FAM53A: variants seen among roughly 807,000 people sequenced by gnomAD.
The protein encoded by FAM53A is family with sequence similarity 53 member A.
Under a neutral mutation model 26.6 loss-of-function variants are expected in FAM53A, and 28 were observed. The observed-to-expected ratio is 1.05, with a 90% CI of 0.78 to 1.45. The LOEUF (loss-of-function observed/expected upper bound fraction) is 1.45, where lower values mean the gene tolerates loss of function less well. FAM53A is among the 40% of genes most tolerant of loss of function. FAM53A has a pLI of 0.00. For synonymous variants in FAM53A, 290 were observed against 253.1 expected (o/e 1.15, Z -1.38); for missense variants, 650 against 575.8 (o/e 1.13, Z -1.32).
At chr4:1,596,989 C>T in the FAM53A span, among the ~76,000 whole-genome samples, 1 of 152,074 alleles carries the variant, frequency 6.6e-6, no homozygotes, top group Non-Finnish European at 1.5e-5. Flanking sequence ...CTCGGGGCCT[C>T]CCTCCAGCAT....
chr4:1,645,890 A>T (rs1313272180), intron 4 of FAM53A, among the ~76,000 whole-genome samples: 1 of 152,178 alleles, frequency 6.6e-6, no homozygotes, highest in Non-Finnish European at 1.5e-5. Flanking sequence ...AATCTCTACC[A>T]TGGTGTTGGG....
At chr4:1,624,548 A>T (rs1715195831) in intron 1 of FAM53A, among the ~76,000 whole-genome samples, 1 of 152,098 alleles carries the variant, frequency 6.6e-6, no homozygotes, top group Admixed American at 6.5e-5. Flanking sequence ...TCCAGGCAAA[A>T]CCTGTAGGAA....
At position 1,640,469 on chromosome 4, in the gene FAM53A, G is replaced by C. The variant is rs1035547374; in HGVS notation, c.*824C>G. ...AACACAGACGCATGTTAATCTGTTT[G>C]CAGATTCATGTTTAATAGAACGCCC... On this transcript the variant is annotated 3_prime_UTR_variant, in exon 5 of 5. Coordinates refer to ENST00000308132, the MANE Select transcript of FAM53A (RefSeq NM_001174070.3). 6.8e-6 allele frequency: 2 copies of C among 294,688 alleles called. No individual in the cohort carries two copies. Among genetic ancestry groups the C allele is most frequent in the Admixed American group, 5.7e-5 (1 of 17,590 alleles). The allele number at this position is 294,688 out of a possible 1,614,324, so 18.3% of individuals were successfully genotyped here.
At position 1,652,080 on chromosome 4, in the gene FAM53A, A is replaced by G. The variant is rs13150686; in HGVS notation, c.882+2898T>C. Among the ~76,000 whole-genome samples the G allele has an allele frequency of 9.5e-3, 1,372 of 144,428 alleles. 26 individuals carry two copies. The highest frequency in any genetic ancestry group is 0.033 in the African/African-American group (1,281 of 38,312). The allele number at this position is 144,428 out of a possible 152,430, so 94.8% of individuals were successfully genotyped here. On this transcript the variant is annotated intron_variant, in intron 4 of 4. Transcript: ENST00000308132. ...CACACACACCACATACACCAGTCACACACACATCACACATACCATACACAC... is the reference window on the plus strand; with the variant it reads ...CACACACACCACATACACCAGTCACGCACACATCACACATACCATACACAC...
chr4:1,622,157 G>T (rs576837984), intron 1 of FAM53A, among the ~76,000 whole-genome samples: 1 of 152,166 alleles, frequency 6.6e-6, no homozygotes, highest in Non-Finnish European at 1.5e-5. Context: ...CCCTGTTCAC[G>T]ATCAGTTACC....
chr4:1,668,925 A>C lies in FAM53A; in HGVS notation c.-164-20T>G, dbSNP rs1714438703. On this transcript the variant is annotated intron_variant, in intron 1 of 4. Transcript: ENST00000308132. ...TTGTGCCTGTTTCTCAGAAGAGAGA[A>C]ATCATCATGTGATTATACGCAAAAC... The C allele has an allele frequency of 1.8e-6, 1 of 560,556 alleles. No homozygotes were observed. Among genetic ancestry groups the C allele is most frequent in the Admixed American group, 3.4e-5 (1 of 29,198 alleles). 34.7% of individuals were successfully genotyped at this position (560,556 alleles called of 1,614,324 possible).
chr4:1,609,714 G>A, the FAM53A span, among the ~76,000 whole-genome samples: 1 of 152,084 alleles, frequency 6.6e-6, no homozygotes, highest in African/African-American at 2.4e-5. Context: ...TGTAATCCCA[G>A]CACTTTGGGA....
rs529006078 is a variant in FAM53A at position 1,655,500 on chromosome 4, A to T, written c.360T>A (p.His120Gln). Residue 120 changes from histidine (H) to glutamine (Q), a missense_variant, in exon 4 of 5, where the codon CAT becomes CAA. Coordinates refer to ENST00000308132, the MANE Select transcript of FAM53A (RefSeq NM_001174070.3). ...CCTCGGGTTCTGACAAGGACCGGCAATGCCGCTTGGTCGGTGGGGCCGTGG... is the reference window on the plus strand; with the variant it reads ...CCTCGGGTTCTGACAAGGACCGGCATTGCCGCTTGGTCGGTGGGGCCGTGG... ...GSSTAPPTKR[H>Q]CRSLSEPEEL... 16 of 1,574,412 alleles carry T rather than the reference A, an allele frequency of 1.0e-5. 1 individual carries two copies. In the South Asian group the frequency reaches 1.5e-4, roughly 15 times the overall value.
At chr4:1,661,424 A>G (rs1463980565) in intron 2 of FAM53A, among the ~76,000 whole-genome samples, 1 of 152,098 alleles carries the variant, frequency 6.6e-6, no homozygotes, top group Non-Finnish European at 1.5e-5. Flanking sequence ...GCCTCCCTGC[A>G]GGAAGTGAGC....
At chr4:1,597,193 A>G in the FAM53A span, among the ~76,000 whole-genome samples, 1 of 150,046 alleles carries the variant, frequency 6.7e-6, no homozygotes, top group African/African-American at 2.5e-5. Flanking sequence ...CCTGGGCTCC[A>G]GCCAGACATC....
chr4:1,634,908 A>T (rs111906182), downstream of FAM53A, among the ~76,000 whole-genome samples: 7,009 of 152,078 alleles, frequency 0.046, 225 homozygotes, highest in South Asian at 0.14. Flanking sequence ...CTCAAAAAAA[A>T]AAAAATAAAA....
chr4:1,576,935 G>A, the FAM53A span, among the ~76,000 whole-genome samples: 1 of 152,194 alleles, frequency 6.6e-6, no homozygotes, highest in Non-Finnish European at 1.5e-5. Flanking sequence ...TCAGAGCTTA[G>A]TTGGTCTCCT....
intron 4 of FAM53A, among the ~76,000 whole-genome samples, chr4:1,650,915 G>C (rs369924241): frequency 3.8e-4 from 58 of 151,876 alleles, no homozygotes; most frequent in African/African-American, 1.4e-3. Flanking sequence ...ATTCACTCGG[G>C]CATTGATATC....
In FAM53A at chr4:1,640,222, A is replaced by T. The variant is rs1711549003; in HGVS notation, c.*1071T>A. 1 of 178,018 alleles carries T rather than the reference A, an allele frequency of 5.6e-6. No individual in the cohort carries two copies. Among genetic ancestry groups the T allele is most frequent in the African/African-American group, 2.4e-5 (1 of 41,590 alleles). 11.0% of individuals were successfully genotyped at this position (178,018 alleles called of 1,614,324 possible). A position where few individuals can be genotyped will look rare whatever the true frequency, so the allele number is the denominator to read the frequency against. On this transcript the variant is annotated 3_prime_UTR_variant, in exon 5 of 5. Transcript: ENST00000308132. ...GGCACCTTGGTCTGCCCCAAAGGCC[A>T]TCACTGCCACCGGTGGAAAACCAGG... is the stretch of plus-strand genomic sequence containing the variant.
At chr4:1,634,270 G>A (rs1276243994) in intron 1 of FAM53A, among the ~76,000 whole-genome samples, 1 of 152,144 alleles carries the variant, frequency 6.6e-6, no homozygotes, top group Non-Finnish European at 1.5e-5. Context: ...GGGCAGGGTG[G>A]GCAGGAGGGA....
intron 2 of FAM53A, among the ~76,000 whole-genome samples, chr4:1,661,863 G>C (rs1023790205): frequency 6.6e-6 from 1 of 152,020 alleles, no homozygotes; most frequent in African/African-American, 2.4e-5. Context: ...GTTACACAGA[G>C]TGCACCTCCA....
intron 1 of FAM53A, among the ~76,000 whole-genome samples, chr4:1,634,022 C>T (rs962797101): frequency 5.9e-5 from 9 of 152,056 alleles, no homozygotes; most frequent in Non-Finnish European, 1.0e-4. Flanking sequence ...GGAGGACCAG[C>T]AGAACACCAG....
chr4:1,670,075 G>T (rs1363390506), intron 1 of FAM53A, among the ~76,000 whole-genome samples: 6 of 152,164 alleles, frequency 3.9e-5, no homozygotes, highest in African/African-American at 1.4e-4. Context: ...GCACGTGGGA[G>T]CCACGTGAGC....
intron 1 of FAM53A, among the ~76,000 whole-genome samples, chr4:1,670,682 T>C (rs1178117700): frequency 6.6e-6 from 1 of 152,216 alleles, no homozygotes; most frequent in Non-Finnish European, 1.5e-5. Context: ...AGGGGTGTCG[T>C]GCACTGGGCT....
Sources: gnomAD v4.1 joint callset for allele counts (sites outside exome capture counted in the v4.1 genomes callset) on GRCh38, gnomAD v4.1.1 for gene constraint, MANE v1.5 for transcripts, NCBI Gene and HGNC (gene_info 2026-07-23, HGNC 2026-07-21) for gene names.